Variants in NSMCE2 observed in about 807,000 individuals in gnomAD.
NSMCE2 encodes E3 SUMO-protein ligase NSE2.
In NSMCE2, 24 loss-of-function variants were observed where a neutral mutation model predicts 23.8. The ratio of observed to expected loss-of-function variants is 1.01; its 90% CI spans 0.73 to 1.42. The LOEUF (loss-of-function observed/expected upper bound fraction) is 1.42, where lower values mean the gene tolerates loss of function less well. Among genes scored for constraint, NSMCE2 ranks in the 40% most tolerant of loss-of-function variants. The pLI, the probability that NSMCE2 is intolerant of heterozygous loss-of-function variation, is 0.00. For synonymous variants in NSMCE2, 92 were observed against 94.1 expected (o/e 0.98, Z 0.13); for missense variants, 284 against 296.5 (o/e 0.96, Z 0.31).
In NSMCE2 at chr8:125,290,722, A is replaced by G. The variant is rs575756815; in HGVS notation, c.419-66497A>G. ...GCCACATGACACAAATATGGTTGCC[A>G]TGGCACATGTCTGAATGCAAAGAGA... On this transcript the variant is annotated intron_variant, in intron 5 of 7. Transcript: ENST00000287437. Among the ~76,000 whole-genome samples, 9 of 152,354 alleles carry G rather than the reference A, an allele frequency of 5.9e-5. No individual in the cohort carries two copies. The East Asian group carries it at 1.5e-3, about 26-fold the overall frequency.
intron 5 of NSMCE2, among the ~76,000 whole-genome samples, chr8:125,294,694 G>T (rs906514411): frequency 3.3e-5 from 5 of 152,146 alleles, no homozygotes; most frequent in Admixed American, 1.3e-4. Flanking sequence ...CATTTATGGG[G>T]TTAGAATTAT....
intron 3 of NSMCE2, among the ~76,000 whole-genome samples, chr8:125,148,110 C>T (rs1469942320): frequency 6.6e-6 from 1 of 152,088 alleles, no homozygotes; most frequent in African/African-American, 2.4e-5. Context: ...TTTCCTGTTC[C>T]CTTTGTTGCT....
In NSMCE2 at chr8:125,337,660, C is replaced by T. The variant is rs148299414; in HGVS notation, c.419-19559C>T. On this transcript the variant is annotated intron_variant, in intron 5 of 7. Coordinates refer to ENST00000287437, the MANE Select transcript of NSMCE2 (RefSeq NM_173685.4). The stretch of plus-strand genomic sequence containing the variant: ...CTGTAATCCCAGCATGTTGGGAAGC[C>T]GAGGCTGGCGGATCACCTGAGGTCG... Among the ~76,000 whole-genome samples the T allele has an allele frequency of 7.9e-5, 12 of 151,656 alleles. No individual in the cohort carries two copies. In the East Asian group the frequency reaches 2.3e-3, roughly 29 times the overall value.
chr8:125,243,518 A>G (rs568099742), intron 5 of NSMCE2, among the ~76,000 whole-genome samples: 1 of 152,246 alleles, frequency 6.6e-6, no homozygotes, highest in Admixed American at 6.5e-5. Flanking sequence ...AAAAACCTCT[A>G]AATTTCTAAT....
intron 4 of NSMCE2, chr8:125,156,385 A>G (rs554007068): frequency 2.3e-4 from 35 of 154,694 alleles, no homozygotes; most frequent in Middle Eastern, 3.4e-3. Context: ...CTTTCCTCTA[A>G]TACCCTCTTT....
chr8:125,250,641 ATTTGT>A (rs976241247), intron 5 of NSMCE2, among the ~76,000 whole-genome samples: 8 of 151,600 alleles, frequency 5.3e-5, no homozygotes, highest in African/African-American at 2.4e-5. Context: ...ATTTCTTCGG[ATTTGT>A]TTTGTTTTGT....
At chr8:125,184,264 T>C (rs1364196991) in intron 5 of NSMCE2, among the ~76,000 whole-genome samples, 1 of 152,200 alleles carries the variant, frequency 6.6e-6, no homozygotes, top group Non-Finnish European at 1.5e-5. Context: ...TGAAGACTTT[T>C]AGAATCATAC....
chr8:125,123,208 C>T (rs1273016547), intron 3 of NSMCE2, among the ~76,000 whole-genome samples: 1 of 152,108 alleles, frequency 6.6e-6, no homozygotes, highest in Non-Finnish European at 1.5e-5. Flanking sequence ...TTGACAACTT[C>T]TATATCATGG....
At chr8:125,253,927 C>T (rs544902276) in intron 5 of NSMCE2, among the ~76,000 whole-genome samples, 1 of 152,222 alleles carries the variant, frequency 6.6e-6, no homozygotes, top group South Asian at 2.1e-4. Flanking sequence ...AATTTTTTGG[C>T]AGTCATAGTC....
intron 5 of NSMCE2, among the ~76,000 whole-genome samples, chr8:125,333,176 T>G (rs1829941455): frequency 6.6e-6 from 1 of 151,894 alleles, no homozygotes; most frequent in South Asian, 2.1e-4. Flanking sequence ...TTTTTCTTTT[T>G]ATCTTTTTTT....
intron 5 of NSMCE2, among the ~76,000 whole-genome samples, chr8:125,235,281 A>G (rs1245886347): frequency 1.3e-5 from 2 of 151,684 alleles, no homozygotes; most frequent in Non-Finnish European, 2.9e-5. Flanking sequence ...GCTTTTCCCA[A>G]GAGTTTATAT....
chr8:125,252,569 A>T (rs1266130018), intron 5 of NSMCE2, among the ~76,000 whole-genome samples: 5 of 152,090 alleles, frequency 3.3e-5, no homozygotes, highest in Non-Finnish European at 7.4e-5. Context: ...TAAGATTTAT[A>T]TTTTCTTGCA....
intron 4 of NSMCE2, among the ~76,000 whole-genome samples, chr8:125,169,817 G>T (rs886529246): frequency 3.3e-5 from 5 of 151,582 alleles, no homozygotes; most frequent in African/African-American, 1.2e-4. Flanking sequence ...TTCTTTACAT[G>T]GTGTACACCC....
Position 125,255,437 on chromosome 8 carries a change from A to G in NSMCE2, c.418+73181A>G, listed in dbSNP as rs139256400. On this transcript the variant is annotated intron_variant, in intron 5 of 7. Transcript: ENST00000287437. ...AGTCGAGACACCTAATCCTTCCTTC[A>G]TCATCAAGGAAGACTCCCTCAATGA... 1.8e-3 allele frequency among the ~76,000 whole-genome samples: 280 copies of G among 152,294 alleles called. 1 individual carries two copies. The highest frequency in any genetic ancestry group is 6.5e-3 in the African/African-American group (270 of 41,564).
intron 7 of NSMCE2, among the ~76,000 whole-genome samples, chr8:125,358,956 T>C (rs1185232000): frequency 6.6e-6 from 1 of 152,138 alleles, no homozygotes; most frequent in East Asian, 1.9e-4. Context: ...TTTTGAGTTT[T>C]TGAGTTAACA....
intron 5 of NSMCE2, among the ~76,000 whole-genome samples, chr8:125,229,618 A>T (rs1825238100): frequency 6.6e-6 from 1 of 152,204 alleles, no homozygotes; most frequent in African/African-American, 2.4e-5. Context: ...TAGGAAATAA[A>T]ATGACACCAA....
chr8:125,189,244 CA>C (rs1285965828), intron 5 of NSMCE2, among the ~76,000 whole-genome samples: 4 of 152,146 alleles, frequency 2.6e-5, no homozygotes, highest in African/African-American at 9.7e-5. Flanking sequence ...CACACCTGAA[CA>C]AAGGAAAAGC....
At chr8:125,122,047 G>A (rs139355637) in intron 3 of NSMCE2, among the ~76,000 whole-genome samples, 14 of 152,078 alleles carry the variant, frequency 9.2e-5, no homozygotes, top group Non-Finnish European at 1.6e-4. Flanking sequence ...TGTGCTCAGT[G>A]TAGATAGCTC....
intron 5 of NSMCE2, among the ~76,000 whole-genome samples, chr8:125,199,788 C>T (rs1401491329): frequency 6.6e-6 from 1 of 151,980 alleles, no homozygotes; most frequent in African/African-American, 2.4e-5. Flanking sequence ...TTAAAGTCTC[C>T]CGTTATTATT....
Sources: allele counts gnomAD v4.1 joint callset (sites outside exome capture counted in the v4.1 genomes callset), GRCh38; gene constraint gnomAD v4.1.1; transcripts MANE v1.5; gene names NCBI Gene and HGNC (gene_info 2026-07-23, HGNC 2026-07-21).